The following SORCS1 variants were observed in gnomAD, a reference collection of about 807,000 sequenced individuals.
SORCS1 encodes VPS10 domain-containing receptor SorCS1.
Under a neutral mutation model 146.1 loss-of-function variants are expected in SORCS1, and 60 were observed. The observed-to-expected ratio is 0.41, with a 90% CI of 0.33 to 0.51. The LOEUF (loss-of-function observed/expected upper bound fraction) is 0.51. Ranked by LOEUF, SORCS1 falls within the 20% of genes least tolerant of loss-of-function variation. SORCS1 has a pLI of 0.21. For synonymous variants in SORCS1, 637 were observed against 584.0 expected (o/e 1.09, Z -1.31); for missense variants, 1,352 against 1,487.6 (o/e 0.91, Z 1.50).
intron 18 of SORCS1, among the ~76,000 whole-genome samples, chr10:106,639,126 A>G (rs1452340374): frequency 3.9e-5 from 6 of 152,204 alleles, no homozygotes; most frequent in Non-Finnish European, 7.3e-5. Flanking sequence ...TTGAGGACTG[A>G]GCGGCTGAGC....
At chr10:107,020,939 T>C (rs1170875222) in intron 1 of SORCS1, among the ~76,000 whole-genome samples, 1 of 152,158 alleles carries the variant, frequency 6.6e-6, no homozygotes, top group Non-Finnish European at 1.5e-5. Context: ...AGAGCATTCA[T>C]TTGGGTAATT....
chr10:107,155,663 C>T (rs1323555305), intron 1 of SORCS1, among the ~76,000 whole-genome samples: 1 of 152,068 alleles, frequency 6.6e-6, no homozygotes, highest in Non-Finnish European at 1.5e-5. Flanking sequence ...GAAGATCTTT[C>T]GCTTTTAATC....
intron 1 of SORCS1, among the ~76,000 whole-genome samples, chr10:106,968,331 C>A (rs1955608816): frequency 6.6e-6 from 1 of 152,216 alleles, no homozygotes; most frequent in African/African-American, 2.4e-5. Flanking sequence ...ATGTGATGAT[C>A]TGAGAAAGAC....
At chr10:107,139,745 G>A (rs1365633057) in intron 1 of SORCS1, among the ~76,000 whole-genome samples, 1 of 152,134 alleles carries the variant, frequency 6.6e-6, no homozygotes, top group East Asian at 1.9e-4. Context: ...AGTGATTGCA[G>A]TCCTTTCCGA....
chr10:107,150,297 G>A (rs1384744155), intron 1 of SORCS1, among the ~76,000 whole-genome samples: 1 of 152,214 alleles, frequency 6.6e-6, no homozygotes, highest in East Asian at 1.9e-4. Flanking sequence ...TAAAAGGAAA[G>A]GTTAAAAGTT....
intron 17 of SORCS1, among the ~76,000 whole-genome samples, chr10:106,657,530 T>C (rs1383369893): frequency 1.3e-5 from 2 of 151,962 alleles, no homozygotes. Flanking sequence ...AGATGACGGA[T>C]GCACTAAAAT....
At chr10:107,085,022 C>A (rs1226065789) in intron 1 of SORCS1, among the ~76,000 whole-genome samples, 2 of 152,168 alleles carry the variant, frequency 1.3e-5, no homozygotes, top group Non-Finnish European at 2.9e-5. Context: ...GCGTTCAGAG[C>A]AGTGTGAAGC....
intron 1 of SORCS1, among the ~76,000 whole-genome samples, chr10:107,050,565 C>T (rs1960006585): frequency 6.6e-6 from 1 of 152,106 alleles, no homozygotes; most frequent in African/African-American, 2.4e-5. Flanking sequence ...AAAGTAGGCA[C>T]AAAATGGCTT....
chr10:107,086,012 G>A (rs1294730890), intron 1 of SORCS1, among the ~76,000 whole-genome samples: 1 of 152,228 alleles, frequency 6.6e-6, no homozygotes, highest in African/African-American at 2.4e-5. Context: ...GAAGTGACTT[G>A]AGGTTTAAAG....
intron 2 of SORCS1, among the ~76,000 whole-genome samples, chr10:106,891,654 G>A (rs1218334428): frequency 1.3e-5 from 2 of 151,862 alleles, no homozygotes; most frequent in Non-Finnish European, 2.9e-5. Context: ...CATGAACCAC[G>A]GCACCCTGCC....
intron 24 of SORCS1, among the ~76,000 whole-genome samples, chr10:106,579,707 C>T (rs1016448644): frequency 6.6e-6 from 1 of 151,846 alleles, no homozygotes; most frequent in Non-Finnish European, 1.5e-5. Context: ...GACCCCAGGG[C>T]CAGGCTGTCT....
At chr10:106,654,081 G>A (rs1486445538) in intron 17 of SORCS1, among the ~76,000 whole-genome samples, 3 of 152,208 alleles carry the variant, frequency 2.0e-5, no homozygotes, top group South Asian at 2.1e-4. Flanking sequence ...CCTCCTGCAT[G>A]CCCTAGCAGC....
chr10:106,652,460 C>G lies in SORCS1; in HGVS notation c.2397G>C (p.Gly799=). ...TTCCATCAGCCGTGACTATCCGCAG[C>G]CCCCGCGGGGCTTTCCCTGGGCACT... The part of the protein sequence containing the change: ...PQKCPGKAPR[G]LRIVTADGKL... The change falls in exon 18 of 26, where the codon GGG becomes GGC. Residue 799 remains glycine (G), a synonymous_variant. Coordinates refer to ENST00000263054, the MANE Select transcript of SORCS1 (RefSeq NM_052918.5). The G allele has an allele frequency of 6.2e-7, 1 of 1,614,104 alleles. No individual in the cohort carries two copies. Among genetic ancestry groups the G allele is most frequent in the African/African-American group, 1.3e-5 (1 of 75,030 alleles).
intron 17 of SORCS1, among the ~76,000 whole-genome samples, chr10:106,664,247 A>T (rs1850957682): frequency 6.6e-6 from 1 of 152,214 alleles, no homozygotes; most frequent in South Asian, 2.1e-4. Flanking sequence ...ATTTTAATTG[A>T]CATTATGATT....
chr10:107,003,593 A>T (rs967353297), intron 1 of SORCS1, among the ~76,000 whole-genome samples: 1 of 152,144 alleles, frequency 6.6e-6, no homozygotes, highest in East Asian at 1.9e-4. Flanking sequence ...TTTCAGATCT[A>T]AAAATCTAGC....
rs371616991 is a variant in SORCS1, at chr10:106,992,125, G to C, written c.559-35545C>G. On this transcript the variant is annotated intron_variant, in intron 1 of 25. Coordinates refer to ENST00000263054, the MANE Select transcript of SORCS1 (RefSeq NM_052918.5). ...ATCAACACAGGATCACAATGGACAG[G>C]CTGTTGGATGCTTGTTTGTATTTAC... Among the ~76,000 whole-genome samples, 19 of 152,222 alleles carry C rather than the reference G, an allele frequency of 1.2e-4. 1 individual carries two copies. The highest frequency in any genetic ancestry group is 4.1e-4 in the African/African-American group (17 of 41,528).
intron 1 of SORCS1, among the ~76,000 whole-genome samples, chr10:107,002,397 G>A (rs2139631561): frequency 6.6e-6 from 1 of 152,274 alleles, no homozygotes; most frequent in South Asian, 2.1e-4. Context: ...AGGAGCCTGG[G>A]AAAGCTCCTA....
intron 1 of SORCS1, among the ~76,000 whole-genome samples, chr10:107,100,619 T>C (rs564242585): frequency 2.4e-4 from 36 of 152,222 alleles, no homozygotes; most frequent in African/African-American, 8.2e-4. Context: ...ATTGAAAATC[T>C]CAAAGAAAGA....
At chr10:107,000,308 G>A (rs1957166359) in intron 1 of SORCS1, among the ~76,000 whole-genome samples, 1 of 152,020 alleles carries the variant, frequency 6.6e-6, no homozygotes, top group Admixed American at 6.6e-5. Context: ...TTTTAGGTAT[G>A]AGTCCATTTG....
Sources: gnomAD v4.1 joint callset for allele counts (sites outside exome capture counted in the v4.1 genomes callset) on GRCh38, gnomAD v4.1.1 for gene constraint, MANE v1.5 for transcripts, NCBI Gene and HGNC (gene_info 2026-07-23, HGNC 2026-07-21) for gene names.